Variants in DYRK1A observed in about 807,000 individuals in gnomAD.
DYRK1A encodes the protein dual specificity tyrosine phosphorylation regulated kinase 1A, also known as dual specificity tyrosine-phosphorylation-regulated kinase 1A.
DYRK1A carries 9 observed loss-of-function variants against 79.7 expected under a neutral mutation model. The ratio of observed to expected loss-of-function variants is 0.11; its 90% CI spans 0.07 to 0.20. The LOEUF is 0.20. Ranked by LOEUF, DYRK1A falls within the 10% of genes least tolerant of loss-of-function variation. DYRK1A has a pLI of 1.00. For missense variants in DYRK1A, 622 were observed against 956.0 expected (o/e 0.65, Z 4.61); for synonymous variants, 349 against 329.7 (o/e 1.06, Z -0.63).
intron 10 of DYRK1A, among the ~76,000 whole-genome samples, chr21:37,505,796 G>A (rs930855493): frequency 1.3e-5 from 2 of 152,142 alleles, no homozygotes; most frequent in Non-Finnish European, 2.9e-5. Flanking sequence ...CTTGGCAGTT[G>A]GAAATCTGTT....
rs2053836907 is a variant in DYRK1A, at chr21:37,514,169, T to C, written c.*1638T>C. 1 of 152,662 alleles carries C rather than the reference T, an allele frequency of 6.6e-6. No individual in the cohort carries two copies. Among genetic ancestry groups the C allele is most frequent in the African/African-American group, 2.4e-5 (1 of 41,448 alleles). The allele number at this position is 152,662 out of a possible 1,614,324, so 9.5% of individuals were successfully genotyped here. ...ACTTGTAAACTTGAAAGCAAGACCT[T>C]GATTGCACCAACAGGTCCAGAGTAT... On this transcript the variant is annotated 3_prime_UTR_variant, in exon 12 of 12. Transcript: ENST00000647188.
intron 1 of DYRK1A, among the ~76,000 whole-genome samples, chr21:37,379,720 T>C (rs770836332): frequency 6.6e-6 from 1 of 152,248 alleles, no homozygotes; most frequent in Non-Finnish European, 1.5e-5. Context: ...TAGCTGAGCA[T>C]GTGAGCAGTT....
At chr21:37,508,869 A>G (rs934642647) in intron 11 of DYRK1A, among the ~76,000 whole-genome samples, 3 of 151,938 alleles carry the variant, frequency 2.0e-5, no homozygotes, top group African/African-American at 7.3e-5. Context: ...AAGTATCACT[A>G]CTCCCAGGGG....
chr21:37,454,956 A>G (rs1193491543), intron 2 of DYRK1A, among the ~76,000 whole-genome samples: 1 of 151,388 alleles, frequency 6.6e-6, no homozygotes, highest in Admixed American at 6.6e-5. Flanking sequence ...TGCTGTGCTC[A>G]GCCAGATGTG....
At chr21:37,374,819 C>T (rs9636634) in intron 1 of DYRK1A, among the ~76,000 whole-genome samples, 9,025 of 152,250 alleles carry the variant, frequency 0.059, 306 homozygotes, top group Middle Eastern at 0.13. Context: ...TCCCAAAGTG[C>T]TGGGATTACA....
chr21:37,398,939 C>T (rs2050007403), intron 1 of DYRK1A, among the ~76,000 whole-genome samples: 1 of 145,578 alleles, frequency 6.9e-6, no homozygotes, highest in Non-Finnish European at 1.5e-5. Flanking sequence ...GCAGAGAGAA[C>T]AGTGTCGGTT....
intron 1 of DYRK1A, among the ~76,000 whole-genome samples, chr21:37,368,802 T>G (rs1409533668): frequency 6.6e-6 from 1 of 152,202 alleles, no homozygotes; most frequent in Non-Finnish European, 1.5e-5. Flanking sequence ...TAACTCATTA[T>G]TAGAAATACT....
Position 37,506,196 on chromosome 21 carries a change from C to T in DYRK1A, c.1617C>T (p.Ala539=). 1 of 1,614,128 alleles carries T rather than the reference C, an allele frequency of 6.2e-7. No individual in the cohort carries two copies. The highest frequency in any genetic ancestry group is 8.5e-7 in the Non-Finnish European group (1 of 1,180,024). Residue 539 remains alanine (A), a synonymous_variant, in exon 11 of 12, where the codon GCC becomes GCT. Transcript: ENST00000647188. The part of the protein sequence containing the change: ...SGGHFTAAVQ[A]MDCETHSPQV... ...GGCACTTCACAGCTGCCGTGCAGGC[C>T]ATGGACTGCGAGACACACAGTCCCC...
At chr21:37,408,154 G>T (rs2050182013) in intron 1 of DYRK1A, among the ~76,000 whole-genome samples, 1 of 152,150 alleles carries the variant, frequency 6.6e-6, no homozygotes, top group South Asian at 2.1e-4. Context: ...CACACATTTT[G>T]CTCAGTCATG....
Position 37,519,741 on chromosome 21 carries a change from T to TTTTGTTTTTTTTTTG in DYRK1A, c.*7213_*7214insGTTTTTTTTTTGTTT, listed in dbSNP as rs1234841809. The TTTTGTTTTTTTTTTG allele has an allele frequency of 4.7e-4, 53 of 112,788 alleles. 3 individuals carry two copies. Among genetic ancestry groups the TTTTGTTTTTTTTTTG allele is most frequent in the African/African-American group, 2.0e-3 (48 of 23,848 alleles). The allele number at this position is 112,788 out of a possible 1,614,324, so 7.0% of individuals were successfully genotyped here. ...TTTGAGGTTTGTTGTGGGAAGTTTT[T>TTTTGTTTTTTTTTTG]TTTTTTTTTTTTTTTTTTGAGGCGG... On this transcript the variant is annotated 3_prime_UTR_variant, in exon 12 of 12. Transcript: ENST00000647188.
chr21:37,448,671 A>G (rs970784193), intron 2 of DYRK1A, among the ~76,000 whole-genome samples: 12 of 152,186 alleles, frequency 7.9e-5, no homozygotes, highest in African/African-American at 2.9e-4. Context: ...GGAAATATAT[A>G]TAAAACAAGT....
chr21:37,385,493 A>G (rs1043006351), intron 1 of DYRK1A, among the ~76,000 whole-genome samples: 1 of 152,066 alleles, frequency 6.6e-6, no homozygotes, highest in Non-Finnish European at 1.5e-5. Context: ...TTGCAAAGCC[A>G]GTAAAAGAGT....
intron 1 of DYRK1A, among the ~76,000 whole-genome samples, chr21:37,383,694 A>G (rs1023239627): frequency 6.6e-6 from 1 of 152,232 alleles, no homozygotes; most frequent in African/African-American, 2.4e-5. Flanking sequence ...CAGGAGTGAC[A>G]AGATTGACAA....
intron 1 of DYRK1A, among the ~76,000 whole-genome samples, chr21:37,378,016 G>T (rs1197509457): frequency 1.3e-5 from 2 of 152,170 alleles, no homozygotes; most frequent in African/African-American, 4.8e-5. Context: ...AGTAGTTTAT[G>T]CTTTCACCAG....
intron 1 of DYRK1A, among the ~76,000 whole-genome samples, chr21:37,413,388 T>C (rs1448192439): frequency 6.6e-6 from 1 of 152,098 alleles, no homozygotes; most frequent in Non-Finnish European, 1.5e-5. Flanking sequence ...TGCAAATCAA[T>C]TATATATTTA....
At chr21:37,432,685 C>T (rs1193672082) in intron 2 of DYRK1A, among the ~76,000 whole-genome samples, 1 of 152,006 alleles carries the variant, frequency 6.6e-6, no homozygotes, top group Non-Finnish European at 1.5e-5. Flanking sequence ...CATTACTGGG[C>T]ATAATAATGG....
chr21:37,495,809 AT>A (rs1569384936), intron 8 of DYRK1A, among the ~76,000 whole-genome samples: 4 of 151,856 alleles, frequency 2.6e-5, no homozygotes, highest in East Asian at 1.9e-4. Flanking sequence ...AATAAAAAAA[AT>A]TTTTTTAATA....
intron 2 of DYRK1A, among the ~76,000 whole-genome samples, chr21:37,441,226 T>TGATA (rs1461572306): frequency 6.6e-6 from 1 of 152,182 alleles, no homozygotes; most frequent in Non-Finnish European, 1.5e-5. Context: ...TTTGATAGCA[T>TGATA]GATATATCTT....
intron 1 of DYRK1A, among the ~76,000 whole-genome samples, chr21:37,386,684 C>T (rs140817848): frequency 0.013 from 1,538 of 123,030 alleles, 10 homozygotes; most frequent in Non-Finnish European, 0.018. Flanking sequence ...GGACTTAACT[C>T]ACAATTGGAA....
Sources: allele counts gnomAD v4.1 joint callset (sites outside exome capture counted in the v4.1 genomes callset), GRCh38; gene constraint gnomAD v4.1.1; transcripts MANE v1.5; gene names NCBI Gene and HGNC (gene_info 2026-07-23, HGNC 2026-07-21).